SDHC: variants seen among roughly 807,000 people sequenced by gnomAD.
SDHC encodes succinate dehydrogenase complex subunit C.
In SDHC, 11 loss-of-function variants were observed where a neutral mutation model predicts 22.6. The observed-to-expected ratio is 0.49, with a 90% confidence interval of 0.31 to 0.81. The LOEUF (loss-of-function observed/expected upper bound fraction) is 0.81. Ranked by LOEUF, SDHC falls within the 30% of genes least tolerant of loss-of-function variation. The pLI, the probability that SDHC is intolerant of heterozygous loss-of-function variation, is 0.05. For missense variants in SDHC, 160 were observed against 212.0 expected, an observed-to-expected ratio of 0.75 and a Z score of 1.52; for synonymous variants, 80 against 77.8, an observed-to-expected ratio of 1.03 and a Z score of -0.15.
chr1:161,328,611 T>C, intron 3 of SDHC, 114 bp downstream of exon 3: 2 of 754,376 alleles, frequency 2.7e-6, no homozygotes, highest in Non-Finnish European at 4.8e-6. Context: ...AATACTGCTA[T>C]GTAGATGAGG....
At chr1:161,315,960 C>G (rs1272887688) in intron 1 of SDHC, among the ~76,000 whole-genome samples, 1 of 152,098 alleles carries the variant, frequency 6.6e-6, no homozygotes, top group Admixed American at 6.6e-5. Context: ...ACAAAGGTCT[C>G]TGCATCATAA....
At chr1:161,324,609 C>T (rs533154852) in intron 2 of SDHC, among the ~76,000 whole-genome samples, 1 of 152,124 alleles carries the variant, frequency 6.6e-6, no homozygotes, top group East Asian at 1.9e-4. Context: ...TAGATTATGC[C>T]ATATGAAATT....
chr1:161,358,130 A>G (rs866419058), intron 5 of SDHC, among the ~76,000 whole-genome samples: 92 of 140,940 alleles, frequency 6.5e-4, no homozygotes, highest in African/African-American at 2.3e-3. Context: ...TCCACCTCCC[A>G]GGTTCAAGTG....
At chr1:161,343,673 AGATT>A (rs1405468472) in intron 4 of SDHC, among the ~76,000 whole-genome samples, 1 of 152,166 alleles carries the variant, frequency 6.6e-6, no homozygotes, top group Non-Finnish European at 1.5e-5. Context: ...AGAAATTTTT[AGATT>A]GATTAAGGAA....
At chr1:161,339,965 G>GCACC (rs1231394940) in intron 3 of SDHC, among the ~76,000 whole-genome samples, 1 of 151,808 alleles carries the variant, frequency 6.6e-6, no homozygotes, top group Non-Finnish European at 1.5e-5. Context: ...CAGGCGTGAG[G>GCACC]CACCGCGCCT....
chr1:161,356,192 G>C (rs1320276558), intron 4 of SDHC, among the ~76,000 whole-genome samples: 1 of 152,068 alleles, frequency 6.6e-6, no homozygotes, highest in Non-Finnish European at 1.5e-5. Context: ...AGTTTATGAT[G>C]AGATCCCAAG....
intron 2 of SDHC, among the ~76,000 whole-genome samples, chr1:161,327,117 C>T (rs1293807970): frequency 6.6e-6 from 1 of 151,944 alleles, no homozygotes; most frequent in Non-Finnish European, 1.5e-5. Flanking sequence ...TTTGTGGAAA[C>T]AGGGTTTTGC....
chr1:161,355,540 G>A (rs572906567), intron 4 of SDHC, among the ~76,000 whole-genome samples: 4 of 152,304 alleles, frequency 2.6e-5, no homozygotes, highest in African/African-American at 9.6e-5. Flanking sequence ...AGATCATGAA[G>A]ATTTATTTCT....
intron 4 of SDHC, among the ~76,000 whole-genome samples, chr1:161,346,419 G>A (rs1671898860): frequency 6.7e-6 from 1 of 149,562 alleles, no homozygotes; most frequent in Non-Finnish European, 1.5e-5. Context: ...TTTTTTTCGA[G>A]ACAGAGTTTC....
Position 161,319,688 on chromosome 1 carries a change from C to T in SDHC, c.21-3926C>T, listed in dbSNP as rs528955017. On this transcript the variant is annotated intron_variant, in intron 1 of 5. Coordinates refer to ENST00000367975, the MANE Select transcript of SDHC (RefSeq NM_003001.5). The stretch of plus-strand genomic sequence containing the variant: ...TCTCAACCTCCTGACCTCAAGTGAC[C>T]CACCCACCTTGGCCTCCCATAGTGC... Among the ~76,000 whole-genome samples the T allele has an allele frequency of 2.0e-5, 3 of 152,192 alleles. No individual in the cohort carries two copies. The East Asian group carries it at 5.8e-4, about 29-fold the overall frequency.
intron 3 of SDHC, chr1:161,339,693 A>C (rs1371203309): frequency 6.1e-6 from 1 of 165,178 alleles, no homozygotes; most frequent in Admixed American, 3.4e-4. Context: ...TTTTTTTTGG[A>C]GACAGAGTTT....
At chr1:161,360,317 G>A (rs1040005685) in intron 5 of SDHC, among the ~76,000 whole-genome samples, 4 of 152,060 alleles carry the variant, frequency 2.6e-5, no homozygotes, top group Non-Finnish European at 5.9e-5. Flanking sequence ...CACTTTGGGA[G>A]GCCAAGGCAG....
intron 1 of SDHC, among the ~76,000 whole-genome samples, chr1:161,317,656 G>A (rs935468512): frequency 2.0e-5 from 3 of 148,000 alleles, no homozygotes; most frequent in African/African-American, 7.5e-5. Flanking sequence ...CTGCCTCCTG[G>A]GTTCAAGCGA....
chr1:161,314,592 C>G (rs1043721010), intron 1 of SDHC, 167 bp downstream of exon 1: 8 of 771,378 alleles, frequency 1.0e-5, no homozygotes, highest in African/African-American at 6.9e-5. Flanking sequence ...CCCGTCCCCC[C>G]CAGCCGCTCC....
chr1:161,345,687 AC>A (rs1392383726), intron 4 of SDHC, among the ~76,000 whole-genome samples: 1 of 151,966 alleles, frequency 6.6e-6, no homozygotes, highest in Non-Finnish European at 1.5e-5. Context: ...CGATCTCCTG[AC>A]CTTGTGATCC....
intron 3 of SDHC, among the ~76,000 whole-genome samples, chr1:161,334,168 A>C (rs927773198): frequency 2.6e-5 from 4 of 152,066 alleles, no homozygotes; most frequent in African/African-American, 7.2e-5. Context: ...TGCCTTTCCT[A>C]GCTTCTAGAG....
intron 3 of SDHC, among the ~76,000 whole-genome samples, chr1:161,336,668 C>T (rs1426079810): frequency 3.9e-5 from 6 of 151,904 alleles, no homozygotes; most frequent in Non-Finnish European, 4.4e-5. Flanking sequence ...GCAGGGAACA[C>T]GGGGCTATAT....
At chr1:161,326,137 G>A (rs1166696845) in intron 2 of SDHC, among the ~76,000 whole-genome samples, 2 of 151,926 alleles carry the variant, frequency 1.3e-5, no homozygotes, top group East Asian at 3.9e-4. Flanking sequence ...AGGAGGCGGA[G>A]GTTGCAGTGA....
intron 4 of SDHC, among the ~76,000 whole-genome samples, chr1:161,342,981 A>G (rs925765829): frequency 1.3e-5 from 2 of 152,154 alleles, no homozygotes; most frequent in African/African-American, 4.8e-5. Flanking sequence ...TTTATTCATC[A>G]CATCAGGCAT....
Sources: allele counts gnomAD v4.1 joint callset (sites outside exome capture counted in the v4.1 genomes callset), GRCh38; gene constraint gnomAD v4.1.1; transcripts MANE v1.5; gene names NCBI Gene and HGNC (gene_info 2026-07-23, HGNC 2026-07-21).